NME8: variants seen among roughly 807,000 people sequenced by gnomAD.
NME8 encodes the protein protein NME8.
A neutral mutation model predicts 82.3 loss-of-function variants in NME8; 72 were observed. The observed-to-expected ratio is 0.87, with a 90% CI of 0.72 to 1.06. NME8 has a LOEUF of 1.06. Ranked by LOEUF, NME8 falls within the 50% of genes least tolerant of loss-of-function variation. NME8 has a pLI of 0.00. For missense variants in NME8, 712 were observed against 685.4 expected (o/e 1.04, Z -0.43); for synonymous variants, 267 against 228.5 (o/e 1.17, Z -1.52).
At chr7:37,864,445 A>T (rs1562831446) in intron 9 of NME8, 24 bp downstream of exon 9, 2 of 1,524,008 alleles carry the variant, frequency 1.3e-6, no homozygotes, top group Non-Finnish European at 9.0e-7. Context: ...TCCAACTATG[A>T]TTAAATTAAT....
chr7:37,894,803 C>T (rs1785195348), intron 16 of NME8, among the ~76,000 whole-genome samples, 193 bp downstream of exon 16: 1 of 152,018 alleles, frequency 6.6e-6, no homozygotes, highest in Admixed American at 6.6e-5. Context: ...CTCTCTCATT[C>T]TGTCTCTCCT....
At chr7:37,895,330 C>A (rs1273353090) in intron 16 of NME8, among the ~76,000 whole-genome samples, 1 of 152,126 alleles carries the variant, frequency 6.6e-6, no homozygotes, top group African/African-American at 2.4e-5. Flanking sequence ...TTCCTTAATT[C>A]CAGGCCTTGT....
At chr7:37,866,911 G>A (rs1008373458) in intron 10 of NME8, among the ~76,000 whole-genome samples, 1 of 152,172 alleles carries the variant, frequency 6.6e-6, no homozygotes, top group Non-Finnish European at 1.5e-5. Flanking sequence ...GGGACAACTT[G>A]AAGCAGGGTT....
chr7:37,893,707 T>A (rs1414901035), intron 15 of NME8, among the ~76,000 whole-genome samples: 1 of 152,218 alleles, frequency 6.6e-6, no homozygotes, highest in Non-Finnish European at 1.5e-5. Flanking sequence ...TATTACTCTA[T>A]AATAATGATC....
At chr7:37,850,796 T>C in intron 5 of NME8, 61 bp downstream of exon 5, 1 of 1,039,428 alleles carries the variant, frequency 9.6e-7, no homozygotes, top group Admixed American at 1.7e-5. Flanking sequence ...TTAAGTATCC[T>C]CTAATACTTT....
At chr7:37,881,141 C>A (rs1026032305) in intron 12 of NME8, among the ~76,000 whole-genome samples, 1 of 152,024 alleles carries the variant, frequency 6.6e-6, no homozygotes, top group Non-Finnish European at 1.5e-5. Flanking sequence ...ATCAGTATAC[C>A]TTTTATTTCC....
chr7:37,888,970 T>G (rs1168217113), intron 15 of NME8, among the ~76,000 whole-genome samples: 1 of 152,064 alleles, frequency 6.6e-6, no homozygotes, highest in Admixed American at 6.6e-5. Flanking sequence ...TCATAAGGAA[T>G]GTGAATATAT....
In NME8 at chr7:37,884,287, A is replaced by G; in HGVS notation, c.995-16A>G. The G allele has an allele frequency of 6.6e-7, 1 of 1,516,610 alleles. No homozygotes were observed. The highest frequency in any genetic ancestry group is 9.2e-7 in the Non-Finnish European group (1 of 1,091,944). The allele number at this position is 1,516,610 out of a possible 1,614,324, so 93.9% of individuals were successfully genotyped here. On this transcript the variant is annotated splice_polypyrimidine_tract_variant and intron_variant, in intron 12 of 17. Transcript: ENST00000199447. ...TCTACCAGTTTAAAACTTATTATGT[A>G]ACTGTTTTTATTTAGATGATGTTTT...
intron 10 of NME8, among the ~76,000 whole-genome samples, chr7:37,867,348 G>C (rs188488952): frequency 6.6e-6 from 1 of 151,514 alleles, no homozygotes; most frequent in Non-Finnish European, 1.5e-5. Flanking sequence ...TGAGAGGCAC[G>C]TTTGCCTGAT....
chr7:37,874,021 C>T (rs1259077926), intron 11 of NME8, among the ~76,000 whole-genome samples: 1 of 152,156 alleles, frequency 6.6e-6, no homozygotes. Flanking sequence ...GGCTGCAACC[C>T]CTGCATTCTT....
chr7:37,859,755 C>T (rs570040846), intron 6 of NME8, among the ~76,000 whole-genome samples: 2 of 152,230 alleles, frequency 1.3e-5, no homozygotes, highest in South Asian at 4.1e-4. Flanking sequence ...ACTTTAGTAT[C>T]CACACTGACA....
intron 15 of NME8, among the ~76,000 whole-genome samples, chr7:37,893,687 G>A (rs1253444037): frequency 6.6e-6 from 1 of 152,030 alleles, no homozygotes; most frequent in Non-Finnish European, 1.5e-5. Flanking sequence ...GTGGTTCTGG[G>A]GACCTTATAT....
At chr7:37,864,233 A>G (rs916378575) in intron 8 of NME8, 115 bp from the exon 9 acceptor site, 18 of 1,291,774 alleles carry the variant, frequency 1.4e-5, no homozygotes, top group Non-Finnish European at 1.6e-5. Flanking sequence ...ACAGCTATCA[A>G]TGGGCAACAA....
At chr7:37,850,231 A>G in intron 2 of NME8, 29 bp from the exon 3 acceptor site, 1 of 1,574,632 alleles carries the variant, frequency 6.4e-7, no homozygotes, top group Non-Finnish European at 8.7e-7. Flanking sequence ...TTCCTACTTA[A>G]AAATTTTTCT....
At chr7:37,884,512 T>C in intron 13 of NME8, 65 bp downstream of exon 13, 1 of 1,456,248 alleles carries the variant, frequency 6.9e-7, no homozygotes, top group Non-Finnish European at 9.6e-7. Context: ...TTCTCTTAAG[T>C]CTGGTTTCTA....
chr7:37,860,774 A>G (rs1251655512), intron 6 of NME8, among the ~76,000 whole-genome samples: 1 of 152,172 alleles, frequency 6.6e-6, no homozygotes, highest in African/African-American at 2.4e-5. Context: ...TGCATCTCAC[A>G]GCAAACTCAT....
intron 6 of NME8, among the ~76,000 whole-genome samples, chr7:37,858,587 A>T (rs1310539216): frequency 6.6e-6 from 1 of 152,082 alleles, no homozygotes; most frequent in East Asian, 1.9e-4. Context: ...ATGTCATTAC[A>T]CTCATGAGGG....
At position 37,884,409 on chromosome 7, in the gene NME8, T is replaced by A; in HGVS notation, c.1101T>A (p.Asn367Lys). The part of the protein sequence containing the change: ...EAQALCKEYE[N>K]EDYFNKLIEN... ...AAGCACTGTGCAAGGAATATGAAAA[T>A]GAAGACTATTTTAATAAACTTATAG... is the stretch of plus-strand genomic sequence containing the variant. Residue 367 changes from asparagine to lysine, a missense_variant, in exon 13 of 18, where the codon AAT (asparagine) becomes AAA (lysine). By Grantham distance (94) the Asn-to-Lys change is moderately conservative. Transcript: ENST00000199447. The A allele has an allele frequency of 1.9e-6, 3 of 1,611,330 alleles. No homozygotes were observed. Among genetic ancestry groups the A allele is most frequent in the Non-Finnish European group, 2.5e-6 (3 of 1,177,568 alleles).
chr7:37,865,688 A>G lies in NME8; in HGVS notation c.621+71A>G, dbSNP rs887033637. On this transcript the variant is annotated intron_variant, in intron 10 of 17. Transcript: ENST00000199447. Reference sequence around the variant, plus strand: ...TGGCCTCCATAAGCTTTAAATCTTTATTACAGAAAAGCAAATTAGTAAGTC... The same window carrying G: ...TGGCCTCCATAAGCTTTAAATCTTTGTTACAGAAAAGCAAATTAGTAAGTC... The G allele has an allele frequency of 2.5e-5, 27 of 1,076,450 alleles. No homozygotes were observed. In the African/African-American group the frequency reaches 2.8e-4, roughly 11 times the overall value. 66.7% of individuals were successfully genotyped at this position (1,076,450 alleles called of 1,614,324 possible).
Sources: gnomAD v4.1 joint callset for allele counts (sites outside exome capture counted in the v4.1 genomes callset) on GRCh38, gnomAD v4.1.1 for gene constraint, MANE v1.5 for transcripts, NCBI Gene and HGNC (gene_info 2026-07-23, HGNC 2026-07-21) for gene names.